POLN: variants seen among roughly 807,000 people sequenced by gnomAD.
POLN encodes the protein DNA polymerase N.
In POLN, 108 loss-of-function variants were observed where a neutral mutation model predicts 113.5. The observed-to-expected ratio is 0.95, with a 90% CI of 0.81 to 1.12. The LOEUF (loss-of-function observed/expected upper bound fraction) is 1.12. Ranked by LOEUF, POLN falls within the 50% of genes most tolerant of loss-of-function variation. POLN has a pLI of 0.00. For missense variants in POLN, 1,097 were observed against 1,077.1 expected, an observed-to-expected ratio of 1.02 and a Z score of -0.26; for synonymous variants, 386 against 391.5, an observed-to-expected ratio of 0.99 and a Z score of 0.17.
At chr4:2,208,572 T>C (rs766136484) in intron 4 of POLN, 85 bp from the exon 5 acceptor site, 66 of 1,153,242 alleles carry the variant, frequency 5.7e-5, no homozygotes, top group Non-Finnish European at 7.5e-5. Context: ...TAAAAACTTG[T>C]CTAAGGTAAT....
chr4:2,228,690 T>G (rs1056140464), intron 3 of POLN: 2 of 173,738 alleles, frequency 1.2e-5, no homozygotes, highest in African/African-American at 4.8e-5. Context: ...GATCCAATAA[T>G]CCTTGCCACC....
At chr4:2,216,836 G>A (rs1339960615) in intron 3 of POLN, among the ~76,000 whole-genome samples, 2 of 152,220 alleles carry the variant, frequency 1.3e-5, no homozygotes, top group Non-Finnish European at 2.9e-5. Context: ...GTTGCTGGAA[G>A]ATTGGATGTT....
chr4:2,082,530 C>T (rs1730445856), intron 21 of POLN, among the ~76,000 whole-genome samples: 2 of 152,220 alleles, frequency 1.3e-5, no homozygotes, highest in Admixed American at 6.5e-5. Flanking sequence ...AACACAAACA[C>T]ACTGTGTTAG....
chr4:2,189,718 A>C (rs371896557), intron 7 of POLN, among the ~76,000 whole-genome samples: 2 of 150,274 alleles, frequency 1.3e-5, no homozygotes, highest in East Asian at 4.0e-4. Context: ...AATACCAACC[A>C]ATGACATTCT....
chr4:2,129,335 G>T, intron 17 of POLN, 79 bp from the exon 18 acceptor site: 1 of 894,450 alleles, frequency 1.1e-6, no homozygotes, highest in Non-Finnish European at 1.8e-6. Context: ...AATATTATTT[G>T]AATATTATTC....
chr4:2,091,765 G>A (rs983188421), intron 20 of POLN, among the ~76,000 whole-genome samples: 1 of 65,092 alleles, frequency 1.5e-5, no homozygotes, highest in Admixed American at 1.6e-4. Flanking sequence ...GTGAATCTGT[G>A]TGTGTGTGTG....
At chr4:2,154,312 A>G (rs1232692881) in intron 16 of POLN, among the ~76,000 whole-genome samples, 1 of 152,080 alleles carries the variant, frequency 6.6e-6, no homozygotes, top group Non-Finnish European at 1.5e-5. Context: ...ACATTTCATA[A>G]AGGGTTAATT....
chr4:2,144,411 G>A (rs902452966), intron 16 of POLN, among the ~76,000 whole-genome samples: 4 of 151,900 alleles, frequency 2.6e-5, no homozygotes, highest in Admixed American at 1.3e-4. Flanking sequence ...CCCAAGTGCC[G>A]GGATTACAGG....
intron 3 of POLN, among the ~76,000 whole-genome samples, chr4:2,216,422 T>A (rs1243847515): frequency 6.6e-6 from 1 of 152,216 alleles, no homozygotes; most frequent in Non-Finnish European, 1.5e-5. Flanking sequence ...GGTTAGTGAT[T>A]TGCAGTGCAG....
intron 3 of POLN, 118 bp downstream of exon 3, chr4:2,228,980 TA>T: frequency 1.0e-6 from 1 of 998,762 alleles, no homozygotes; most frequent in Non-Finnish European, 1.5e-6. Flanking sequence ...TGAATGAGTG[TA>T]AAAGGGGCGG....
chr4:2,093,600 A>T lies in POLN; in HGVS notation c.2065+2251T>A, dbSNP rs1159318539. On this transcript the variant is annotated intron_variant, in intron 20 of 25. Coordinates refer to ENST00000511885, the MANE Select transcript of POLN (RefSeq NM_181808.4). This position sits in a 1 kb window ranked among gnomAD's most constrained non-coding sequence, Gnocchi z 4.1. ...CAGAAGCAAATGTTATGTTTGCAAC[A>T]CAAGATGCAGCAGGATGCAAGGCAA... is the stretch of plus-strand genomic sequence containing the variant. Among the ~76,000 whole-genome samples the T allele has an allele frequency of 6.6e-6, 1 of 152,204 alleles. No homozygotes were observed. The highest frequency in any genetic ancestry group is 1.5e-5 in the Non-Finnish European group (1 of 68,034).
chr4:2,130,745 G>A (rs1731708279), intron 17 of POLN, among the ~76,000 whole-genome samples: 1 of 152,118 alleles, frequency 6.6e-6, no homozygotes, highest in Admixed American at 6.5e-5. Context: ...CTTGTAAACT[G>A]CTAACAGGGA....
At chr4:2,097,414 G>A (rs902426324) in intron 19 of POLN, among the ~76,000 whole-genome samples, 15 of 150,342 alleles carry the variant, frequency 1.0e-4, no homozygotes, top group African/African-American at 2.9e-4. Flanking sequence ...GCAGTGGTGC[G>A]ATCTCGACTC....
At chr4:2,146,618 C>T (rs1305305754) in intron 16 of POLN, among the ~76,000 whole-genome samples, 1 of 151,942 alleles carries the variant, frequency 6.6e-6, no homozygotes, top group Non-Finnish European at 1.5e-5. Context: ...AGGGGTATCT[C>T]ACTGAGCTCT....
intron 11 of POLN, 129 bp downstream of exon 11, chr4:2,173,826 G>A (rs1732927098): frequency 3.3e-6 from 3 of 898,104 alleles, no homozygotes; most frequent in Non-Finnish European, 5.4e-6. Context: ...TCAGAAAGAG[G>A]GAGAAACACT....
rs115252116 is a variant in POLN, at chr4:2,233,852, T to C, written c.-12-4609A>G. ...GTGCCATATGGTCAATGGTGTCTAG[T>C]AGACACTTATATAGTGCTGGTAGCA... is the stretch of plus-strand genomic sequence containing the variant. On this transcript the variant is annotated intron_variant, in intron 2 of 25. Coordinates refer to ENST00000511885, the MANE Select transcript of POLN (RefSeq NM_181808.4). Among the ~76,000 whole-genome samples the C allele has an allele frequency of 4.1e-3, 621 of 152,300 alleles. 4 individuals are homozygous for C. Among genetic ancestry groups the C allele is most frequent in the African/African-American group, 0.014 (590 of 41,564 alleles).
At chr4:2,157,505 T>A (rs867728521) in intron 15 of POLN, among the ~76,000 whole-genome samples, 4 of 152,034 alleles carry the variant, frequency 2.6e-5, no homozygotes, top group Admixed American at 6.5e-5. Context: ...GGCAGGCAGA[T>A]CACGACGTAA....
rs902025886 is a variant in POLN at position 2,237,542 on chromosome 4, A to ACAAG, written c.-13+3974_-13+3977dup. ...AAGGAAGGAGGGAAGGAAGGAAAAA[A>ACAAG]CAAGCAAGCAAGCAAGCAATGAATT... On this transcript the variant is annotated intron_variant, in intron 2 of 25. Transcript: ENST00000511885. Among the ~76,000 whole-genome samples the ACAAG allele has an allele frequency of 1.4e-4, 21 of 152,176 alleles. 1 individual carries two copies. Among genetic ancestry groups the ACAAG allele is most frequent in the East Asian group, 5.8e-4 (3 of 5,182 alleles).
intron 5 of POLN, among the ~76,000 whole-genome samples, chr4:2,203,535 G>A (rs1292947326): frequency 6.7e-6 from 1 of 149,426 alleles, no homozygotes; most frequent in Non-Finnish European, 1.5e-5. Flanking sequence ...AGCCAAGATT[G>A]TACCACTGCA....
Sources: allele counts gnomAD v4.1 joint callset (sites outside exome capture counted in the v4.1 genomes callset), GRCh38; gene constraint gnomAD v4.1.1; non-coding constraint Gnocchi (gnomAD v3.1); transcripts MANE v1.5; gene names NCBI Gene and HGNC (gene_info 2026-07-23, HGNC 2026-07-21).